The following YWHAB variants were observed in gnomAD, a reference collection of about 807,000 sequenced individuals.
The protein encoded by YWHAB is tyrosine 3-monooxygenase/tryptophan 5-monooxygenase activation protein beta.
In YWHAB, 2 loss-of-function variants were observed where a neutral mutation model predicts 28.5. The observed-to-expected ratio is 0.07, with a 90% CI of 0.03 to 0.22. The LOEUF (loss-of-function observed/expected upper bound fraction) is 0.22. Ranked by LOEUF, YWHAB falls within the 10% of genes least tolerant of loss-of-function variation. The pLI, the probability that YWHAB is intolerant of heterozygous loss-of-function variation, is 1.00. For missense variants in YWHAB, 148 were observed against 297.1 expected (o/e 0.50, Z 3.69); for synonymous variants, 103 against 104.7 (o/e 0.98, Z 0.10).
intron 1 of YWHAB, 148 bp from the exon 2 acceptor site, chr20:44,901,383 T>C (rs1192282114): frequency 9.8e-6 from 8 of 815,180 alleles, no homozygotes; most frequent in Non-Finnish European, 1.5e-5. Flanking sequence ...GTGTTTGATA[T>C]ATCATCAATA....
intron 3 of YWHAB, 94 bp from the exon 4 acceptor site, chr20:44,904,874 C>T: frequency 7.8e-7 from 1 of 1,283,252 alleles, no homozygotes; most frequent in South Asian, 1.8e-5. Flanking sequence ...TGCTCCTGCC[C>T]AGTTTGGGAC....
chr20:44,892,611 A>G (rs1457283224), intron 1 of YWHAB, among the ~76,000 whole-genome samples: 1 of 152,216 alleles, frequency 6.6e-6, no homozygotes, highest in Admixed American at 6.5e-5. Context: ...ACATTGGATT[A>G]TATGTGTTAC....
intron 4 of YWHAB, 68 bp downstream of exon 4, chr20:44,905,199 T>G: frequency 6.7e-7 from 1 of 1,491,100 alleles, no homozygotes; most frequent in Non-Finnish European, 9.0e-7. Context: ...TTCATTTTAT[T>G]CCTGAACATA....
At chr20:44,898,543 C>G (rs2066608740) in intron 1 of YWHAB, among the ~76,000 whole-genome samples, 1 of 150,380 alleles carries the variant, frequency 6.6e-6, no homozygotes, top group African/African-American at 2.4e-5. Context: ...GAATCTTGCT[C>G]TGTTGCCCAG....
At position 44,906,446 on chromosome 20, in the gene YWHAB, C is replaced by T. The variant is rs771219211; in HGVS notation, c.*8C>T. The T allele has an allele frequency of 6.3e-6, 10 of 1,589,222 alleles. No homozygotes were observed. The highest frequency in any genetic ancestry group is 2.0e-4 in the Middle Eastern group (1 of 4,976). On this transcript the variant is annotated 3_prime_UTR_variant, in exon 6 of 6. Coordinates refer to ENST00000353703, the MANE Select transcript of YWHAB (RefSeq NM_139323.4). Reference sequence around the variant, plus strand: ...GGGGAGGGAGAGAACTAATGTTTCTCGTGCTTTGTGATCTGTTCAGTGTCA... The same window carrying T: ...GGGGAGGGAGAGAACTAATGTTTCTTGTGCTTTGTGATCTGTTCAGTGTCA...
intron 1 of YWHAB, among the ~76,000 whole-genome samples, chr20:44,889,478 A>T (rs55858961): frequency 2.3e-4 from 30 of 131,760 alleles, no homozygotes; most frequent in East Asian, 8.2e-4. Context: ...TTTTTTTTTT[A>T]AATTCTGGCC....
intron 1 of YWHAB, among the ~76,000 whole-genome samples, chr20:44,897,558 T>A (rs1322218315): frequency 6.6e-6 from 1 of 152,246 alleles, no homozygotes; most frequent in African/African-American, 2.4e-5. Flanking sequence ...AAAGACCTTA[T>A]GGTCAAGAAA....
rs369051047 is a variant in YWHAB, at chr20:44,906,472, C to T, written c.*34C>T. On this transcript the variant is annotated 3_prime_UTR_variant, in exon 6 of 6. Coordinates refer to ENST00000353703, the MANE Select transcript of YWHAB (RefSeq NM_139323.4). Reference sequence around the variant, plus strand: ...GTGCTTTGTGATCTGTTCAGTGTCACTCTGTACCCTCAACATATATCCCTT... The same window carrying T: ...GTGCTTTGTGATCTGTTCAGTGTCATTCTGTACCCTCAACATATATCCCTT... 2.5e-5 allele frequency: 33 copies of T among 1,323,198 alleles called. No individual in the cohort carries two copies. Among genetic ancestry groups the T allele is most frequent in the Non-Finnish European group, 3.2e-5 (30 of 932,346 alleles). 82.0% of individuals were successfully genotyped at this position (1,323,198 alleles called of 1,614,324 possible).
intron 1 of YWHAB, among the ~76,000 whole-genome samples, chr20:44,893,695 T>C (rs1343430609): frequency 5.8e-5 from 2 of 34,238 alleles, no homozygotes; most frequent in Non-Finnish European, 1.1e-4. Flanking sequence ...CTCCCCTGCC[T>C]TTTTTTTTTT....
At chr20:44,890,526 T>G (rs926442744) in intron 1 of YWHAB, among the ~76,000 whole-genome samples, 16 of 146,154 alleles carry the variant, frequency 1.1e-4, no homozygotes, top group Middle Eastern at 3.5e-3. Flanking sequence ...TTTTTTTTTT[T>G]GTGAGATGGA....
rs1380367690 is a variant in YWHAB at position 44,906,371 on chromosome 20, T to C, written c.685-11T>C. On this transcript the variant is annotated splice_polypyrimidine_tract_variant and intron_variant, in intron 5 of 5. Transcript: ENST00000353703. ...TAGCCCTGCTTTGATTATACTTCCT[T>C]TCTCTTGCAGCTGTGGACATCGGAA... is the stretch of plus-strand genomic sequence containing the variant. 3 of 1,612,900 alleles carry C rather than the reference T, an allele frequency of 1.9e-6. No homozygotes were observed. The Admixed American group carries it at 5.0e-5, about 27-fold the overall frequency.
Position 44,901,733 on chromosome 20 carries a change from T to C in YWHAB, c.200T>C (p.Ile67Thr), listed in dbSNP as rs1349100665. 1.2e-6 allele frequency: 2 copies of C among 1,614,090 alleles called. No homozygotes were observed. Among genetic ancestry groups the C allele is most frequent in the East Asian group, 2.2e-5 (1 of 44,874 alleles). Residue 67 changes from isoleucine (I) to threonine (T), a missense_variant, in exon 2 of 6, where the codon ATT (isoleucine) becomes ACT (threonine). Transcript: ENST00000353703. ...TCTTCCTGGCGTGTCATCTCCAGCATTGAGCAGAAAACAGAGAGGAATGAG... is the reference window on the plus strand; with the variant it reads ...TCTTCCTGGCGTGTCATCTCCAGCACTGAGCAGAAAACAGAGAGGAATGAG... ...RRSSWRVISSIEQKTERNEKK... is the reference protein window; with the variant it reads ...RRSSWRVISSTEQKTERNEKK...
At position 44,903,889 on chromosome 20, in the gene YWHAB, C is replaced by A. The variant is rs1168992434; in HGVS notation, c.301-104C>A. ...GATGAAAAATTGGTGTTTTTTTAAT[C>A]TTCCAAAAAATTATTTAGAAGCAGT... On this transcript the variant is annotated intron_variant, in intron 2 of 5. Transcript: ENST00000353703. 2.9e-6 allele frequency: 4 copies of A among 1,370,580 alleles called. No individual in the cohort carries two copies. The Admixed American group carries it at 1.1e-4, about 39-fold the overall frequency. 84.9% of individuals were successfully genotyped at this position (1,370,580 alleles called of 1,614,324 possible).
At chr20:44,902,391 C>T (rs1477856012) in intron 2 of YWHAB, 1 of 152,332 alleles carries the variant, frequency 6.6e-6, no homozygotes, top group Non-Finnish European at 1.5e-5. Flanking sequence ...ATGATTGATT[C>T]CCTCTGGCCG....
At chr20:44,893,763 G>GTT (rs148825868) in intron 1 of YWHAB, among the ~76,000 whole-genome samples, 4,837 of 140,392 alleles carry the variant, frequency 0.034, 250 homozygotes, top group African/African-American at 0.12. Flanking sequence ...TAGTGGCGCA[G>GTT]TTTCGGCTCA....
rs895049017 is a variant in YWHAB at position 44,903,826 on chromosome 20, G to C, written c.301-167G>C. On this transcript the variant is annotated intron_variant, in intron 2 of 5. Coordinates refer to ENST00000353703, the MANE Select transcript of YWHAB (RefSeq NM_139323.4). ...TTTTAACAGAAGAATACAGGCATCT[G>C]CTGTTATGACCTGGGCTAAACAACA... 6 of 652,484 alleles carry C rather than the reference G, an allele frequency of 9.2e-6. No homozygotes were observed. In the African/African-American group the frequency reaches 9.5e-5, roughly 10 times the overall value. 40.4% of individuals were successfully genotyped at this position (652,484 alleles called of 1,614,324 possible).
At chr20:44,892,332 C>T (rs535552970) in intron 1 of YWHAB, among the ~76,000 whole-genome samples, 3 of 152,220 alleles carry the variant, frequency 2.0e-5, no homozygotes, top group Admixed American at 2.0e-4. Flanking sequence ...CTTTTTAAGT[C>T]ACGACCTAGC....
intron 1 of YWHAB, chr20:44,887,368 A>G (rs1485208898): frequency 6.6e-6 from 1 of 152,236 alleles, no homozygotes; most frequent in Non-Finnish European, 1.5e-5. Flanking sequence ...ATAAGAAACC[A>G]TTCACCTATC....
intron 1 of YWHAB, among the ~76,000 whole-genome samples, chr20:44,890,742 C>A (rs566446164): frequency 6.6e-6 from 1 of 151,972 alleles, no homozygotes; most frequent in African/African-American, 2.4e-5. Context: ...AACTCCTGAC[C>A]TTGCGATCCA....
Sources: gnomAD v4.1 joint callset for allele counts (sites outside exome capture counted in the v4.1 genomes callset) on GRCh38, gnomAD v4.1.1 for gene constraint, MANE v1.5 for transcripts, NCBI Gene and HGNC (gene_info 2026-07-23, HGNC 2026-07-21) for gene names.